The following PDZRN4 variants were observed in gnomAD, a reference collection of about 807,000 sequenced individuals.
PDZRN4 encodes the protein PDZ domain containing ring finger 4.
In PDZRN4, 70 loss-of-function variants were observed where a neutral mutation model predicts 99.0. That is an observed-to-expected ratio of 0.71 (90% CI 0.58 to 0.86). The LOEUF is 0.86. Ranked by LOEUF, PDZRN4 falls within the 40% of genes least tolerant of loss-of-function variation. PDZRN4 has a pLI of 0.00. For synonymous variants in PDZRN4, 551 were observed against 501.6 expected (o/e 1.10, Z -1.32); for missense variants, 1,474 against 1,331.2 (o/e 1.11, Z -1.67).
intron 3 of PDZRN4, among the ~76,000 whole-genome samples, chr12:41,266,310 C>CAAAAAAAAAAAAAAAAAAAAA (rs777855203): frequency 8.6e-5 from 1 of 11,678 alleles, no homozygotes; most frequent in African/African-American, 4.9e-4. Context: ...GACTCCGTCT[C>CAAAAAAAAAAAAAAAAAAAAA]AAAAAAAAAA....
intron 9 of PDZRN4, among the ~76,000 whole-genome samples, chr12:41,568,313 A>G (rs1319416470): frequency 6.6e-6 from 1 of 152,232 alleles, no homozygotes; most frequent in Non-Finnish European, 1.5e-5. Context: ...CTATCACTAT[A>G]GGATGAAGAT....
chr12:41,291,046 C>A (rs984527103), intron 3 of PDZRN4, among the ~76,000 whole-genome samples: 1 of 151,898 alleles, frequency 6.6e-6, no homozygotes, highest in African/African-American at 2.4e-5. Flanking sequence ...AAAAATGCTA[C>A]AATTAATCTT....
At chr12:41,421,689 C>A (rs1952492138) in intron 3 of PDZRN4, among the ~76,000 whole-genome samples, 1 of 152,092 alleles carries the variant, frequency 6.6e-6, no homozygotes, top group Admixed American at 6.6e-5. Context: ...TAAGTGTCAC[C>A]CCTTTAATGT....
intron 3 of PDZRN4, among the ~76,000 whole-genome samples, chr12:41,231,523 A>T (rs918582747): frequency 2.0e-5 from 3 of 152,046 alleles, no homozygotes; most frequent in African/African-American, 7.2e-5. Context: ...CCCTGGAGGT[A>T]TGATTATTCC....
chr12:41,234,185 C>CG (rs1951050305), intron 3 of PDZRN4, among the ~76,000 whole-genome samples: 1 of 152,024 alleles, frequency 6.6e-6, no homozygotes, highest in Non-Finnish European at 1.5e-5. Context: ...AAGACTGTCA[C>CG]TGTATTTTTC....
At chr12:41,441,645 T>C (rs1952682043) in intron 3 of PDZRN4, among the ~76,000 whole-genome samples, 1 of 152,212 alleles carries the variant, frequency 6.6e-6, no homozygotes, top group Non-Finnish European at 1.5e-5. Context: ...GAATGTTTCT[T>C]GGATCTCATA....
intron 3 of PDZRN4, among the ~76,000 whole-genome samples, chr12:41,272,560 C>A (rs539723358): frequency 6.6e-6 from 1 of 151,930 alleles, no homozygotes; most frequent in South Asian, 2.1e-4. Flanking sequence ...TAAATATATA[C>A]CTATACTATC....
intron 3 of PDZRN4, among the ~76,000 whole-genome samples, chr12:41,474,030 C>A (rs1953018046): frequency 6.6e-6 from 1 of 152,152 alleles, no homozygotes; most frequent in Admixed American, 6.5e-5. Flanking sequence ...AACAGTGTAA[C>A]TAAAAGAACA....
intron 3 of PDZRN4, among the ~76,000 whole-genome samples, chr12:41,210,196 T>C (rs913265136): frequency 3.6e-5 from 3 of 82,700 alleles, no homozygotes; most frequent in African/African-American, 1.4e-4. Flanking sequence ...ATGGGGTTGT[T>C]TGTTTTTTTC....
At chr12:41,524,300 T>G (rs1371313050) in intron 5 of PDZRN4, among the ~76,000 whole-genome samples, 1 of 152,182 alleles carries the variant, frequency 6.6e-6, no homozygotes, top group East Asian at 1.9e-4. Flanking sequence ...GATCTACAGA[T>G]TCAATGCAAT....
chr12:41,465,168 C>A (rs756920212), intron 3 of PDZRN4, among the ~76,000 whole-genome samples: 1 of 152,124 alleles, frequency 6.6e-6, no homozygotes, highest in South Asian at 2.1e-4. Flanking sequence ...ATATGAATAG[C>A]CAACTGTCAT....
At chr12:41,252,696 G>T (rs964267250) in intron 3 of PDZRN4, among the ~76,000 whole-genome samples, 3 of 151,438 alleles carry the variant, frequency 2.0e-5, no homozygotes, top group Non-Finnish European at 4.4e-5. Flanking sequence ...GTTGAGATTG[G>T]GCCACTGCAC....
intron 3 of PDZRN4, among the ~76,000 whole-genome samples, chr12:41,364,450 T>C (rs17129290): frequency 0.014 from 2,203 of 152,194 alleles, 20 homozygotes; most frequent in African/African-American, 0.017. Flanking sequence ...TATCTTGTGA[T>C]GTATTACAAT....
chr12:41,405,667 A>G (rs1197246622), intron 3 of PDZRN4, among the ~76,000 whole-genome samples: 1 of 152,198 alleles, frequency 6.6e-6, no homozygotes, highest in Non-Finnish European at 1.5e-5. Context: ...TTGCCATGCT[A>G]TTCACAAGAG....
rs11180845 is a variant in PDZRN4 at position 41,353,587 on chromosome 12, G to A, written c.844-152869G>A. Among the ~76,000 whole-genome samples, 492 of 152,184 alleles carry A rather than the reference G, an allele frequency of 3.2e-3. 18 individuals carry two copies. In the East Asian group the frequency reaches 0.087, roughly 27 times the overall value. On this transcript the variant is annotated intron_variant, in intron 3 of 9. Coordinates refer to ENST00000402685, the MANE Select transcript of PDZRN4 (RefSeq NM_001164595.2). ...ACCTACATCCAGTCTGTGTGGTAGT[G>A]ATGGTAATGCATTTGGTGTCAACCT...
At chr12:41,507,236 G>A (rs1310704215) in intron 4 of PDZRN4, among the ~76,000 whole-genome samples, 1 of 152,034 alleles carries the variant, frequency 6.6e-6, no homozygotes, top group South Asian at 2.1e-4. Flanking sequence ...ATAAACAAAG[G>A]ATCTTGGCTG....
At chr12:41,415,653 G>A (rs1292193613) in intron 3 of PDZRN4, among the ~76,000 whole-genome samples, 12 of 152,072 alleles carry the variant, frequency 7.9e-5, no homozygotes, top group Admixed American at 1.3e-4. Context: ...GTATCTAAAG[G>A]AAGAAATTGG....
At chr12:41,393,941 A>G (rs562485984) in intron 3 of PDZRN4, among the ~76,000 whole-genome samples, 7 of 152,318 alleles carry the variant, frequency 4.6e-5, no homozygotes, top group African/African-American at 1.7e-4. Flanking sequence ...AGAGTAGAGG[A>G]ATATCTTACA....
chr12:41,469,935 TA>T (rs1952970326), intron 3 of PDZRN4, among the ~76,000 whole-genome samples: 2 of 151,008 alleles, frequency 1.3e-5, no homozygotes, highest in Admixed American at 6.6e-5. Flanking sequence ...ATCTCAAAAA[TA>T]AAAAATAAAA....
Sources: allele counts gnomAD v4.1 joint callset (sites outside exome capture counted in the v4.1 genomes callset), GRCh38; gene constraint gnomAD v4.1.1; transcripts MANE v1.5; gene names NCBI Gene and HGNC (gene_info 2026-07-23, HGNC 2026-07-21).